PECAM1: variants seen among roughly 807,000 people sequenced by gnomAD.
PECAM1 encodes platelet and endothelial cell adhesion molecule 1.
Under a neutral mutation model 13.8 loss-of-function variants are expected in PECAM1, and 8 were observed. The ratio of observed to expected loss-of-function variants is 0.58; its 90% confidence interval spans 0.34 to 1.05. The LOEUF (loss-of-function observed/expected upper bound fraction) is 1.05, where lower values mean the gene tolerates loss of function less well. Among genes scored for constraint, PECAM1 ranks in the 50% least tolerant of loss-of-function variants. The probability of loss-of-function intolerance (pLI) is 0.03; values close to 1 mark genes in which losing one functional copy is unlikely to be tolerated. For synonymous variants in PECAM1, 136 were observed against 52.6 expected (o/e 2.58, Z -6.86); for missense variants, 304 against 141.2 (o/e 2.15, Z -5.84).
intron 6 of PECAM1, among the ~76,000 whole-genome samples, chr17:64,360,814 A>ATGTGTGTGTGTGTG (rs144008571): frequency 4.2e-5 from 6 of 141,332 alleles, no homozygotes; most frequent in Non-Finnish European, 9.2e-5. Flanking sequence ...AGCCAACAAA[A>ATGTGTGTGTGTGTG]TGTGTGTGTG....
chr17:64,337,477 T>A (rs2035308470), intron 14 of PECAM1, among the ~76,000 whole-genome samples: 1 of 152,150 alleles, frequency 6.6e-6, no homozygotes, highest in Non-Finnish European at 1.5e-5. Context: ...ACCAGCACCA[T>A]CTCCCATGAT....
At chr17:64,338,239 AT>A (rs149206249) in intron 14 of PECAM1, among the ~76,000 whole-genome samples, 48,077 of 108,264 alleles carry the variant, frequency 0.44, 10,447 homozygotes, top group East Asian at 0.63. Flanking sequence ...ATTTTTTAAA[AT>A]TTTTTTTTTT....
chr17:64,346,380 A>G (rs2035570520), intron 13 of PECAM1, among the ~76,000 whole-genome samples: 1 of 152,120 alleles, frequency 6.6e-6, no homozygotes, highest in Non-Finnish European at 1.5e-5. Flanking sequence ...TCTGCCACCC[A>G]GGCTGGAGAG....
chr17:64,346,158 G>A (rs981779217), intron 13 of PECAM1, among the ~76,000 whole-genome samples: 2 of 152,168 alleles, frequency 1.3e-5, no homozygotes, highest in Non-Finnish European at 2.9e-5. Flanking sequence ...CTCAGAGGAA[G>A]GGAGACAGAT....
At chr17:64,345,229 G>A (rs1298464777) in intron 13 of PECAM1, among the ~76,000 whole-genome samples, 1 of 152,128 alleles carries the variant, frequency 6.6e-6, no homozygotes, top group African/African-American at 2.4e-5. Flanking sequence ...CAGCACTTTG[G>A]GAGGCTGAGG....
At chr17:64,373,770 G>T (rs1403691816) in intron 4 of PECAM1, among the ~76,000 whole-genome samples, 1 of 152,076 alleles carries the variant, frequency 6.6e-6, no homozygotes, top group Non-Finnish European at 1.5e-5. Context: ...AGGATAAAGT[G>T]GGATGCCAAA....
At chr17:64,346,257 C>A (rs903208798) in intron 13 of PECAM1, among the ~76,000 whole-genome samples, 1 of 151,592 alleles carries the variant, frequency 6.6e-6, no homozygotes, top group Admixed American at 6.6e-5. Flanking sequence ...TTCCTTTGAG[C>A]ATGCAGGAGT....
chr17:64,387,339 T>C (rs55939060), intron 2 of PECAM1, among the ~76,000 whole-genome samples: 3 of 151,354 alleles, frequency 2.0e-5, no homozygotes, highest in East Asian at 2.0e-4. Context: ...AGAGGTGAGG[T>C]GGGTAGGCAC....
In PECAM1 at chr17:64,319,833, C is replaced by G. The variant is rs552684380; in HGVS notation, c.*3983G>C. ...ATCTTATCGGGAAGCGGCTGATCAC[C>G]AGATCAGGGTGTTTTGTATCTATTG... On this transcript the variant is annotated 3_prime_UTR_variant, in exon 16 of 16. Transcript: ENST00000563924. 1 of 152,294 alleles carries G rather than the reference C, an allele frequency of 6.6e-6. No individual in the cohort carries two copies. Among genetic ancestry groups the G allele is most frequent in the East Asian group, 1.9e-4 (1 of 5,170 alleles). The allele number at this position is 152,294 out of a possible 1,614,324, so 9.4% of individuals were successfully genotyped here.
intron 14 of PECAM1, among the ~76,000 whole-genome samples, chr17:64,338,704 C>T (rs2035347872): frequency 6.6e-6 from 1 of 152,044 alleles, no homozygotes; most frequent in Admixed American, 6.6e-5. Context: ...GTTACAGGTA[C>T]ATGCCACCAT....
intron 15 of PECAM1, 58 bp downstream of exon 15, chr17:64,329,642 A>G: frequency 2.8e-6 from 2 of 726,682 alleles, no homozygotes. Flanking sequence ...GAGTCTGGAA[A>G]TATTTCACTG....
intron 2 of PECAM1, among the ~76,000 whole-genome samples, chr17:64,380,524 T>C (rs2036460228): frequency 6.6e-6 from 1 of 152,170 alleles, no homozygotes; most frequent in African/African-American, 2.4e-5. Context: ...TGAAAGTGAC[T>C]ATGTCTGGTA....
rs1384237450 is a variant in PECAM1 at position 64,361,127 on chromosome 17, A to ATGTGTGTGTGTGTGTGTGTGTG, written c.1217-713_1217-712insCACACACACACACACACACACA. 5.3e-3 allele frequency among the ~76,000 whole-genome samples: 250 copies of ATGTGTGTGTGTGTGTGTGTGTG among 46,978 alleles called. 1 individual carries two copies. The highest frequency in any genetic ancestry group is 0.012 in the African/African-American group (239 of 20,106). 30.8% of individuals were successfully genotyped at this position (46,978 alleles called of 152,430 possible). On this transcript the variant is annotated intron_variant, in intron 6 of 15. Transcript: ENST00000563924. ...TGAGCCACCACACCTGGCTGAGCATATATGTGTGTGTGTGTGTGTGTGTGT... is the reference window on the plus strand; with the variant it reads ...TGAGCCACCACACCTGGCTGAGCATATGTGTGTGTGTGTGTGTGTGTGTATGTGTGTGTGTGTGTGTGTGTGT...
At chr17:64,327,889 C>T (rs1055902403) in intron 15 of PECAM1, among the ~76,000 whole-genome samples, 1 of 152,184 alleles carries the variant, frequency 6.6e-6, no homozygotes, top group Non-Finnish European at 1.5e-5. Context: ...CTCCCATTTC[C>T]CCACTGGGCA....
intron 2 of PECAM1, among the ~76,000 whole-genome samples, chr17:64,384,661 T>G (rs1253977550): frequency 6.6e-6 from 1 of 152,204 alleles, no homozygotes; most frequent in Non-Finnish European, 1.5e-5. Flanking sequence ...CCAGACTCAG[T>G]CAAGCCTTCA....
chr17:64,385,692 A>G (rs1436617745), intron 2 of PECAM1, among the ~76,000 whole-genome samples: 5 of 152,106 alleles, frequency 3.3e-5, no homozygotes, highest in Non-Finnish European at 7.4e-5. Flanking sequence ...CTCCAGTGAT[A>G]TCAGTAAGCA....
At chr17:64,334,515 A>AT (rs1209057192) in intron 14 of PECAM1, among the ~76,000 whole-genome samples, 67 of 148,140 alleles carry the variant, frequency 4.5e-4, no homozygotes, top group South Asian at 4.0e-3. Flanking sequence ...CTGGGCCCCA[A>AT]TTTTTTTTTT....
intron 2 of PECAM1, among the ~76,000 whole-genome samples, chr17:64,382,718 G>C (rs1220387221): frequency 1.4e-5 from 2 of 146,694 alleles, no homozygotes; most frequent in African/African-American, 2.7e-5. Context: ...CATGTTTCTA[G>C]GGATTTTTTT....
Position 64,387,014 on chromosome 17 carries a change from G to C in PECAM1, c.91+3475C>G, listed in dbSNP as rs923099369. On this transcript the variant is annotated intron_variant, in intron 2 of 15. Transcript: ENST00000563924. ...GTCTCCAGGGAGGATAAGACCAGGAGCCCGCAGAGACCAGGACAGGGTTCA... is the reference window on the plus strand; with the variant it reads ...GTCTCCAGGGAGGATAAGACCAGGACCCCGCAGAGACCAGGACAGGGTTCA... 3.6e-3 allele frequency among the ~76,000 whole-genome samples: 550 copies of C among 152,194 alleles called. 3 individuals are homozygous for C. Among genetic ancestry groups the C allele is most frequent in the African/African-American group, 0.013 (528 of 41,518 alleles).
Sources: allele counts gnomAD v4.1 joint callset (sites outside exome capture counted in the v4.1 genomes callset), GRCh38; gene constraint gnomAD v4.1.1; transcripts MANE v1.5; gene names NCBI Gene and HGNC (gene_info 2026-07-23, HGNC 2026-07-21).